The following CPEB1 variants were observed in gnomAD, a reference collection of about 807,000 sequenced individuals.
CPEB1 encodes cytoplasmic polyadenylation element-binding protein 1.
CPEB1 carries 7 observed loss-of-function variants against 65.8 expected under a neutral mutation model. That is an observed-to-expected ratio of 0.11 (90% CI 0.06 to 0.20). CPEB1 has a LOEUF of 0.20. Among genes scored for constraint, CPEB1 ranks in the 10% least tolerant of loss-of-function variants. The probability of loss-of-function intolerance (pLI) is 1.00; values close to 1 mark genes in which losing one functional copy is unlikely to be tolerated. For synonymous variants in CPEB1, 262 were observed against 260.0 expected (o/e 1.01, Z -0.08); for missense variants, 551 against 712.2 (o/e 0.77, Z 2.58).
intron 3 of CPEB1, among the ~76,000 whole-genome samples, chr15:82,576,162 A>G (rs936345670): frequency 1.3e-5 from 2 of 152,250 alleles, no homozygotes; most frequent in South Asian, 2.1e-4. Flanking sequence ...ACAGGCAACA[A>G]TAAGATAATT....
At chr15:82,617,413 A>G (rs1426843086) in intron 3 of CPEB1, among the ~76,000 whole-genome samples, 2 of 152,182 alleles carry the variant, frequency 1.3e-5, no homozygotes, top group Non-Finnish European at 2.9e-5. Flanking sequence ...TGTGACCAAC[A>G]CTACTCAAAA....
chr15:82,555,310 T>C (rs1404273756), intron 6 of CPEB1, among the ~76,000 whole-genome samples: 1 of 152,206 alleles, frequency 6.6e-6, no homozygotes, highest in African/African-American at 2.4e-5. Flanking sequence ...TAAGATTAAA[T>C]TTAAATGTCA....
chr15:82,549,839 C>T (rs1235724943), intron 9 of CPEB1, among the ~76,000 whole-genome samples, 181 bp from the exon 10 acceptor site: 1 of 152,158 alleles, frequency 6.6e-6, no homozygotes, highest in Admixed American at 6.5e-5. Context: ...GACTCCACCC[C>T]AACTGGAGTT....
At chr15:82,641,233 T>A (rs954029648) in intron 1 of CPEB1, among the ~76,000 whole-genome samples, 6 of 150,042 alleles carry the variant, frequency 4.0e-5, no homozygotes, top group Non-Finnish European at 8.9e-5. Context: ...ATTACAGCTT[T>A]AAAAAAAAAC....
At chr15:82,628,072 G>A in intron 2 of CPEB1, 1 of 627,898 alleles carries the variant, frequency 1.6e-6, no homozygotes, top group Non-Finnish European at 2.8e-6. Flanking sequence ...CTACAGAAAG[G>A]ATTGTTAATG....
intron 3 of CPEB1, among the ~76,000 whole-genome samples, chr15:82,621,319 T>C (rs2045277850): frequency 6.9e-6 from 1 of 145,766 alleles, no homozygotes. Flanking sequence ...CCATGTCTCT[T>C]AAAAAAAAAA....
At chr15:82,613,883 C>T (rs1003209776) in intron 3 of CPEB1, among the ~76,000 whole-genome samples, 2 of 152,064 alleles carry the variant, frequency 1.3e-5, no homozygotes, top group African/African-American at 2.4e-5. Context: ...TCAATGCCCC[C>T]CTGGGACAGC....
intron 4 of CPEB1, among the ~76,000 whole-genome samples, chr15:82,561,255 T>C (rs1471583388): frequency 6.6e-6 from 1 of 152,212 alleles, no homozygotes; most frequent in African/African-American, 2.4e-5. Context: ...TAACTGGGCC[T>C]GGAGTTAAAC....
chr15:82,611,688 C>T (rs1279888451), intron 3 of CPEB1, among the ~76,000 whole-genome samples: 1 of 151,624 alleles, frequency 6.6e-6, no homozygotes, highest in African/African-American at 2.4e-5. Context: ...TCACTTGAGC[C>T]CAAGAAATCA....
At chr15:82,610,974 A>AG (rs1386737411) in intron 3 of CPEB1, among the ~76,000 whole-genome samples, 13 of 148,434 alleles carry the variant, frequency 8.8e-5, no homozygotes, top group African/African-American at 3.2e-4. Flanking sequence ...AAAAAAAAAA[A>AG]AAAAAAAAAA....
intron 4 of CPEB1, 58 bp downstream of exon 4, chr15:82,571,286 T>C (rs2039984741): frequency 6.4e-7 from 1 of 1,563,374 alleles, no homozygotes; most frequent in Admixed American, 1.9e-5. Context: ...TGTGGATATC[T>C]TCGTTCACCA....
In CPEB1 at chr15:82,571,934, G is replaced by C. The variant is rs1004129991; in HGVS notation, c.272-402C>G. On this transcript the variant is annotated intron_variant, in intron 3 of 12. Coordinates refer to ENST00000684509, the MANE Select transcript of CPEB1 (RefSeq NM_001365242.1). ...GGAAAGACAGCACAACAGCTACTTGGAATAGTCCCGGTGCAGTGCCGTTAA... is the reference window on the plus strand; with the variant it reads ...GGAAAGACAGCACAACAGCTACTTGCAATAGTCCCGGTGCAGTGCCGTTAA... The C allele has an allele frequency of 3.5e-6, 3 of 852,402 alleles. No individual in the cohort carries two copies. In the African/African-American group the frequency reaches 5.5e-5, roughly 16 times the overall value. 52.8% of individuals were successfully genotyped at this position (852,402 alleles called of 1,614,324 possible). A position where few individuals can be genotyped will look rare whatever the true frequency, so the allele number is the denominator to read the frequency against.
chr15:82,545,657 C>A (rs970914395), intron 12 of CPEB1, among the ~76,000 whole-genome samples: 1 of 152,180 alleles, frequency 6.6e-6, no homozygotes, highest in African/African-American at 2.4e-5. Context: ...CATTCCATCA[C>A]CCAGGAACAT....
intron 3 of CPEB1, among the ~76,000 whole-genome samples, chr15:82,610,478 C>T (rs1231546959): frequency 2.6e-5 from 4 of 151,674 alleles, no homozygotes; most frequent in Non-Finnish European, 4.4e-5. Context: ...CACACTATGA[C>T]CAAATGGGGT....
At chr15:82,598,933 A>C (rs2061877451) in intron 3 of CPEB1, among the ~76,000 whole-genome samples, 2 of 152,148 alleles carry the variant, frequency 1.3e-5, no homozygotes, top group South Asian at 4.1e-4. Flanking sequence ...ATATACACCT[A>C]CTGTGTACCC....
intron 3 of CPEB1, among the ~76,000 whole-genome samples, chr15:82,586,675 G>A (rs749319548): frequency 6.6e-6 from 1 of 152,106 alleles, no homozygotes; most frequent in African/African-American, 2.4e-5. Flanking sequence ...TGTGTTCATC[G>A]GGAAAGAATC....
chr15:82,625,008 A>AT (rs1046506960), intron 3 of CPEB1, among the ~76,000 whole-genome samples: 4 of 151,794 alleles, frequency 2.6e-5, no homozygotes, highest in Admixed American at 6.6e-5. Flanking sequence ...TAATTTTTCT[A>AT]TTTTTTTGTA....
At chr15:82,574,751 A>AAAAAAAAAAAAAAAAC (rs2040471400) in intron 3 of CPEB1, among the ~76,000 whole-genome samples, 1 of 144,594 alleles carries the variant, frequency 6.9e-6, no homozygotes. Context: ...AAAAAAAAAA[A>AAAAAAAAAAAAAAAAC]TCATAAACCA....
At chr15:82,563,355 TTC>T (rs1420844937) in intron 4 of CPEB1, among the ~76,000 whole-genome samples, 8 of 122,072 alleles carry the variant, frequency 6.6e-5, no homozygotes, top group Non-Finnish European at 8.8e-5. Context: ...ATCATCTCTA[TTC>T]TTTTTTTTTT....
Sources: gnomAD v4.1 joint callset for allele counts (sites outside exome capture counted in the v4.1 genomes callset) on GRCh38, gnomAD v4.1.1 for gene constraint, MANE v1.5 for transcripts, NCBI Gene and HGNC (gene_info 2026-07-23, HGNC 2026-07-21) for gene names.